Variants in RBPMS observed in about 807,000 individuals in gnomAD.
The protein encoded by RBPMS is RNA-binding protein with multiple splicing.
A neutral mutation model predicts 26.8 loss-of-function variants in RBPMS; 7 were observed. That is an observed-to-expected ratio of 0.26 (90% confidence interval 0.15 to 0.49). RBPMS has a LOEUF of 0.49. Among genes scored for constraint, RBPMS ranks in the 20% least tolerant of loss-of-function variants. RBPMS has a pLI of 0.98. For synonymous variants in RBPMS, 96 were observed against 93.3 expected, an observed-to-expected ratio of 1.03 and a Z score of -0.17; for missense variants, 186 against 250.0, an observed-to-expected ratio of 0.74 and a Z score of 1.73.
At chr8:30,554,430 T>C (rs1052090386) in intron 6 of RBPMS, among the ~76,000 whole-genome samples, 1 of 152,090 alleles carries the variant, frequency 6.6e-6, no homozygotes, top group African/African-American at 2.4e-5. Flanking sequence ...GTCAAACAGG[T>C]TTCTTTATTT....
rs1231412514 is a variant in RBPMS at position 30,385,064 on chromosome 8, G to A, written c.-29G>A. 6 of 1,495,368 alleles carry A rather than the reference G, an allele frequency of 4.0e-6. No individual in the cohort carries two copies. Among genetic ancestry groups the A allele is most frequent in the East Asian group, 2.9e-5 (1 of 34,448 alleles). 92.6% of individuals were successfully genotyped at this position (1,495,368 alleles called of 1,614,324 possible). On this transcript the variant is annotated 5_prime_UTR_variant, in exon 1 of 9. Transcript: ENST00000397323. ...TCGCCCAGCCCCGCGCCCCAGCCCT[G>A]CCCGGCCCGGCGAGGAAGGACCGGG... is the stretch of plus-strand genomic sequence containing the variant.
chr8:30,494,807 A>G (rs1819756291), intron 4 of RBPMS, among the ~76,000 whole-genome samples: 1 of 152,190 alleles, frequency 6.6e-6, no homozygotes, highest in South Asian at 2.1e-4. Flanking sequence ...TTGCTTTTCT[A>G]ATCCTTCTAG....
intron 7 of RBPMS, among the ~76,000 whole-genome samples, chr8:30,562,341 AAAAG>A (rs1439269923): frequency 1.3e-5 from 2 of 151,828 alleles, no homozygotes; most frequent in African/African-American, 2.4e-5. Context: ...AAAAAAAAAA[AAAAG>A]AGTATGTAAT....
intron 5 of RBPMS, among the ~76,000 whole-genome samples, chr8:30,532,701 GTTCTT>G (rs535091677): frequency 8.3e-4 from 126 of 152,230 alleles, no homozygotes; most frequent in African/African-American, 2.9e-3. Context: ...GAAGTCATTT[GTTCTT>G]TTCTTGTCCA....
intron 4 of RBPMS, among the ~76,000 whole-genome samples, chr8:30,492,500 G>T (rs1050510158): frequency 1.3e-5 from 2 of 151,840 alleles, no homozygotes; most frequent in African/African-American, 4.8e-5. Context: ...GATCTAGATC[G>T]TCATCTGCTA....
intron 4 of RBPMS, among the ~76,000 whole-genome samples, chr8:30,486,749 C>A (rs554402116): frequency 1.2e-4 from 19 of 152,360 alleles, no homozygotes; most frequent in African/African-American, 4.6e-4. Context: ...CACGTTCTCA[C>A]ACATGAACCA....
At chr8:30,569,709 G>A (rs1828139439) in intron 8 of RBPMS, among the ~76,000 whole-genome samples, 1 of 144,142 alleles carries the variant, frequency 6.9e-6, no homozygotes, top group Non-Finnish European at 1.5e-5. Flanking sequence ...AGATGGTGAT[G>A]GTGGAGTGGA....
rs899060467 is a variant in RBPMS at position 30,461,638 on chromosome 8, A to G, written c.67-13141A>G. On this transcript the variant is annotated intron_variant, in intron 1 of 8. Transcript: ENST00000397323. The stretch of plus-strand genomic sequence containing the variant: ...TCTTGATCTCCTGACCTCGTGTTCC[A>G]CCCGCCTTGACCTCCCAAAGTGCTG... Among the ~76,000 whole-genome samples the G allele has an allele frequency of 2.6e-5, 4 of 152,068 alleles. No homozygotes were observed. In the South Asian group the frequency reaches 6.2e-4, roughly 24 times the overall value.
chr8:30,445,909 C>A (rs1813708481), intron 1 of RBPMS, among the ~76,000 whole-genome samples: 1 of 152,092 alleles, frequency 6.6e-6, no homozygotes, highest in Non-Finnish European at 1.5e-5. Context: ...AAGTGATCCA[C>A]CCGCCTCAGC....
chr8:30,438,272 C>T (rs1365734753), intron 1 of RBPMS, among the ~76,000 whole-genome samples: 2 of 152,148 alleles, frequency 1.3e-5, no homozygotes, highest in African/African-American at 4.8e-5. Flanking sequence ...TTTTACTTTC[C>T]ATGTTTTAGG....
intron 6 of RBPMS, chr8:30,547,507 G>T: frequency 6.5e-7 from 1 of 1,531,160 alleles, no homozygotes; most frequent in South Asian, 1.3e-5. Context: ...ATTTTAATCA[G>T]AGCAAAAATG....
At chr8:30,477,214 G>A (rs1313553942) in intron 2 of RBPMS, among the ~76,000 whole-genome samples, 4 of 151,996 alleles carry the variant, frequency 2.6e-5, no homozygotes, top group Non-Finnish European at 4.4e-5. Context: ...CACCATGCTC[G>A]GCTAATTTTT....
intron 5 of RBPMS, among the ~76,000 whole-genome samples, chr8:30,511,483 AAAAAT>A (rs1821641407): frequency 6.5e-4 from 3 of 4,606 alleles, no homozygotes; most frequent in Non-Finnish European, 9.2e-4. Context: ...AAAAAAAAAA[AAAAAT>A]ATATATATAT....
intron 1 of RBPMS, among the ~76,000 whole-genome samples, chr8:30,460,270 CATT>C (rs1413235731): frequency 6.6e-6 from 1 of 152,196 alleles, no homozygotes; most frequent in African/African-American, 2.4e-5. Context: ...TGGAAGTACT[CATT>C]ATCAGCACTG....
At chr8:30,465,188 C>A (rs1001532816) in intron 1 of RBPMS, among the ~76,000 whole-genome samples, 1 of 152,158 alleles carries the variant, frequency 6.6e-6, no homozygotes, top group South Asian at 2.1e-4. Flanking sequence ...TCTTATTTGA[C>A]AGCATTCAGT....
At chr8:30,408,645 G>A (rs7010544) in intron 1 of RBPMS, among the ~76,000 whole-genome samples, 44,087 of 152,122 alleles carry the variant, frequency 0.29, 7,838 homozygotes, top group East Asian at 0.71. Flanking sequence ...AGACAGTGGA[G>A]TGCTGTGCAA....
At chr8:30,540,995 A>G (rs1332846734) in intron 5 of RBPMS, among the ~76,000 whole-genome samples, 1 of 152,194 alleles carries the variant, frequency 6.6e-6, no homozygotes, top group East Asian at 1.9e-4. Flanking sequence ...AGTTTTGAGT[A>G]TGTCGAGCAT....
chr8:30,387,226 G>A (rs895026137), intron 1 of RBPMS: 1 of 152,180 alleles, frequency 6.6e-6, no homozygotes, highest in Admixed American at 6.5e-5. Flanking sequence ...AGTTGTCCAA[G>A]AGAGATGTCG....
chr8:30,449,881 G>T (rs1585506152), intron 1 of RBPMS, among the ~76,000 whole-genome samples: 1 of 152,346 alleles, frequency 6.6e-6, no homozygotes, highest in East Asian at 1.9e-4. Flanking sequence ...TTCAGGGCCA[G>T]ATTCTACAGT....
Sources: allele counts gnomAD v4.1 joint callset (sites outside exome capture counted in the v4.1 genomes callset), GRCh38; gene constraint gnomAD v4.1.1; transcripts MANE v1.5; gene names NCBI Gene and HGNC (gene_info 2026-07-23, HGNC 2026-07-21).